Variants in HIRA observed in about 807,000 individuals in gnomAD.
HIRA encodes the protein histone cell cycle regulator, also known as protein HIRA.
In HIRA, 13 loss-of-function variants were observed where a neutral mutation model predicts 126.6. The ratio of observed to expected loss-of-function variants is 0.10; its 90% CI spans 0.07 to 0.16. The LOEUF is 0.16. Among genes scored for constraint, HIRA ranks in the 10% least tolerant of loss-of-function variants. The pLI, the probability that HIRA is intolerant of heterozygous loss-of-function variation, is 1.00. For synonymous variants in HIRA, 511 were observed against 520.0 expected (o/e 0.98, Z 0.24); for missense variants, 834 against 1,314.4 (o/e 0.63, Z 5.65).
intron 7 of HIRA, 43 bp downstream of exon 7, chr22:19,396,744 G>A: frequency 6.2e-7 from 1 of 1,601,930 alleles, no homozygotes; most frequent in Non-Finnish European, 8.5e-7. Flanking sequence ...GAAGAGGCTG[G>A]GGCAGCTGCG....
chr22:19,403,881 C>G (rs886742060), intron 5 of HIRA, among the ~76,000 whole-genome samples: 1 of 152,144 alleles, frequency 6.6e-6, no homozygotes, highest in African/African-American at 2.4e-5. Flanking sequence ...CTGAAGACAG[C>G]CTTTCATTTC....
At position 19,420,474 on chromosome 22, in the gene HIRA, A is replaced by AC. The variant is rs35294597; in HGVS notation, c.38-9697_38-9696insG. On this transcript the variant is annotated intron_variant, in intron 1 of 24. Coordinates refer to ENST00000263208, the MANE Select transcript of HIRA (RefSeq NM_003325.4). Reference sequence around the variant, plus strand: ...AAAAAAACTGTCTCAAAAAAAAAAAAAAAAAAACCAAACCAAAACAAAAAA... The same window carrying AC: ...AAAAAAACTGTCTCAAAAAAAAAAAACAAAAAAACCAAACCAAAACAAAAAA... 3.5e-4 allele frequency among the ~76,000 whole-genome samples: 52 copies of AC among 148,936 alleles called. No individual in the cohort carries two copies. In the South Asian group the frequency reaches 9.6e-3, roughly 27 times the overall value.
At chr22:19,340,478 A>G (rs1236990915) in intron 24 of HIRA, among the ~76,000 whole-genome samples, 1 of 152,182 alleles carries the variant, frequency 6.6e-6, no homozygotes, top group African/African-American at 2.4e-5. Flanking sequence ...GCCCACTGTC[A>G]CCACTGCTAT....
chr22:19,387,919 T>C lies in HIRA; in HGVS notation c.1008-103A>G, dbSNP rs915119971. ...GATGGTGGGCAGTGTTCTAGGGAGA[T>C]GCTGGAAACTCCTGGTTCCCTTCTG... On this transcript the variant is annotated intron_variant, in intron 10 of 24. Transcript: ENST00000263208. 7 of 332,484 alleles carry C rather than the reference T, an allele frequency of 2.1e-5. 1 individual carries two copies. In the Admixed American group the frequency reaches 2.7e-4, roughly 13 times the overall value. The allele number at this position is 332,484 out of a possible 1,614,324, so 20.6% of individuals were successfully genotyped here.
chr22:19,364,675 G>C (rs1273143111), intron 15 of HIRA, among the ~76,000 whole-genome samples: 2 of 152,272 alleles, frequency 1.3e-5, no homozygotes, highest in African/African-American at 2.4e-5. Flanking sequence ...TGTTCTGACT[G>C]CTCCACCAAC....
chr22:19,374,511 C>A (rs1601827051), intron 15 of HIRA, among the ~76,000 whole-genome samples: 1 of 152,154 alleles, frequency 6.6e-6, no homozygotes, highest in South Asian at 2.1e-4. Flanking sequence ...CTACAAGATT[C>A]CACACCAAGT....
intron 15 of HIRA, among the ~76,000 whole-genome samples, chr22:19,364,412 T>C (rs1310212740): frequency 6.6e-6 from 1 of 152,222 alleles, no homozygotes; most frequent in Non-Finnish European, 1.5e-5. Flanking sequence ...ATGTTTTTTT[T>C]ACAAGTTGAA....
At position 19,353,339 on chromosome 22, in the gene HIRA, G is replaced by A. The variant is rs369208164; in HGVS notation, c.2848+17C>T. On this transcript the variant is annotated intron_variant, in intron 23 of 24. Coordinates refer to ENST00000263208, the MANE Select transcript of HIRA (RefSeq NM_003325.4). ...GGGCAGAAGGAGAAGGCTGCTCAGG[G>A]CTGCCAGGAGCCTCACCTTCGTTTA... is the stretch of plus-strand genomic sequence containing the variant. The A allele has an allele frequency of 1.4e-5, 22 of 1,612,256 alleles. No homozygotes were observed. In the African/African-American group the frequency reaches 2.3e-4, roughly 17 times the overall value.
At chr22:19,348,716 C>T (rs1384605438) in intron 24 of HIRA, among the ~76,000 whole-genome samples, 1 of 152,034 alleles carries the variant, frequency 6.6e-6, no homozygotes, top group Non-Finnish European at 1.5e-5. Context: ...AGGCTGGTCT[C>T]AAACTCCTGA....
At chr22:19,387,860 G>A (rs1242342985) in intron 10 of HIRA, 44 bp from the exon 11 acceptor site, 2 of 1,413,480 alleles carry the variant, frequency 1.4e-6, no homozygotes, top group East Asian at 2.4e-5. Flanking sequence ...AGAGCCCCAG[G>A]CAGACACATG....
chr22:19,415,606 T>A (rs1490948943), intron 1 of HIRA, among the ~76,000 whole-genome samples: 1 of 152,152 alleles, frequency 6.6e-6, no homozygotes, highest in Non-Finnish European at 1.5e-5. Context: ...CTGATCAACA[T>A]GGAGAAACCC....
intron 14 of HIRA, 49 bp from the exon 15 acceptor site, chr22:19,375,841 C>T (rs1256702094): frequency 3.8e-6 from 6 of 1,590,480 alleles, no homozygotes; most frequent in Admixed American, 3.4e-5. Flanking sequence ...CTGAAAGGAT[C>T]TGGAGGTCTA....
intron 24 of HIRA, among the ~76,000 whole-genome samples, chr22:19,342,293 TAAAA>T (rs1482355773): frequency 6.6e-6 from 1 of 151,718 alleles, no homozygotes; most frequent in South Asian, 2.1e-4. Flanking sequence ...AATTAAAAAA[TAAAA>T]AAAATAGATA....
At chr22:19,379,299 AC>A (rs1423447059) in intron 13 of HIRA, among the ~76,000 whole-genome samples, 1 of 150,954 alleles carries the variant, frequency 6.6e-6, no homozygotes, top group Non-Finnish European at 1.5e-5. Context: ...GGTGTGAGCC[AC>A]CGTGCCCGGC....
chr22:19,376,450 A>G (rs1226254045), intron 14 of HIRA, among the ~76,000 whole-genome samples: 2 of 152,124 alleles, frequency 1.3e-5, no homozygotes, highest in Admixed American at 6.5e-5. Flanking sequence ...AAGCACACCC[A>G]GGCTAACACC....
rs782771235 is a variant in HIRA, at chr22:19,355,816, T to C, written c.2505A>G (p.Pro835=). Residue 835 remains proline (P), a synonymous_variant, in exon 21 of 25, where the codon CCA becomes CCG. Coordinates refer to ENST00000263208, the MANE Select transcript of HIRA (RefSeq NM_003325.4). ...CCTTCCCATCGGACAGGTTCATTAC[T>C]GGGATTCCATGCTGCGTCAGCAAGA... is the stretch of plus-strand genomic sequence containing the variant. ...SQILLTQHGI[P]VMNLSDGKAY... The C allele has an allele frequency of 4.3e-5, 69 of 1,614,004 alleles. No individual in the cohort carries two copies. Among genetic ancestry groups the C allele is most frequent in the Non-Finnish European group, 5.3e-5 (63 of 1,179,982 alleles).
chr22:19,360,276 TGGA>T (rs2088851401), intron 17 of HIRA, among the ~76,000 whole-genome samples: 1 of 152,068 alleles, frequency 6.6e-6, no homozygotes, highest in African/African-American at 2.4e-5. Context: ...GGGGAAGGGC[TGGA>T]GGAGTTTGGG....
chr22:19,373,125 A>G (rs1402572667), intron 15 of HIRA, among the ~76,000 whole-genome samples: 1 of 152,046 alleles, frequency 6.6e-6, no homozygotes, highest in Non-Finnish European at 1.5e-5. Flanking sequence ...TTCTATCTAT[A>G]TTTTCTTCTA....
At chr22:19,425,413 C>A (rs1335534942) in intron 1 of HIRA, among the ~76,000 whole-genome samples, 1 of 152,152 alleles carries the variant, frequency 6.6e-6, no homozygotes, top group Non-Finnish European at 1.5e-5. Context: ...AACATGCTAG[C>A]AACCTCTGGG....
Sources: gnomAD v4.1 joint callset for allele counts (sites outside exome capture counted in the v4.1 genomes callset) on GRCh38, gnomAD v4.1.1 for gene constraint, MANE v1.5 for transcripts, NCBI Gene and HGNC (gene_info 2026-07-23, HGNC 2026-07-21) for gene names.